Variants in FOXP1 observed in about 807,000 individuals in gnomAD.
The protein encoded by FOXP1 is forkhead box P1.
In FOXP1, 15 loss-of-function variants were observed where a neutral mutation model predicts 98.2. That is an observed-to-expected ratio of 0.15 (90% CI 0.10 to 0.24). FOXP1 has a LOEUF of 0.24. Among genes scored for constraint, FOXP1 ranks in the 10% least tolerant of loss-of-function variants. FOXP1 has a pLI of 1.00. For missense variants in FOXP1, 633 were observed against 848.5 expected (o/e 0.75, Z 3.15); for synonymous variants, 371 against 314.5 (o/e 1.18, Z -1.90).
intron 1 of FOXP1, chr3:71,582,098 T>C (rs901560325): frequency 3.1e-6 from 3 of 962,852 alleles, no homozygotes; most frequent in African/African-American, 3.6e-5. Context: ...CAGGCAGCGA[T>C]TTCGAAGCAA....
At chr3:71,108,384 C>T (rs763734555) in intron 7 of FOXP1, among the ~76,000 whole-genome samples, 2 of 152,180 alleles carry the variant, frequency 1.3e-5, no homozygotes, top group Non-Finnish European at 2.9e-5. Flanking sequence ...AGTAAAGTTA[C>T]GCATTTTCGA....
At chr3:71,070,407 G>C (rs930626808) in intron 7 of FOXP1, among the ~76,000 whole-genome samples, 6 of 152,128 alleles carry the variant, frequency 3.9e-5, no homozygotes, top group Non-Finnish European at 5.9e-5. Flanking sequence ...CTTCTTAGCA[G>C]TAATGGGCCA....
intron 3 of FOXP1, among the ~76,000 whole-genome samples, chr3:71,453,857 T>C (rs1287394252): frequency 2.0e-5 from 3 of 152,220 alleles, no homozygotes; most frequent in African/African-American, 4.8e-5. Context: ...AAAGTATTTA[T>C]GGAAAGACTC....
chr3:71,244,901 T>C (rs1457809786), intron 5 of FOXP1: 1 of 150,718 alleles, frequency 6.6e-6, no homozygotes, highest in Non-Finnish European at 1.5e-5. Context: ...TCATGAGATA[T>C]GTATGCAAAG....
At chr3:71,246,579 G>C (rs1178019949) in intron 5 of FOXP1, among the ~76,000 whole-genome samples, 2 of 152,236 alleles carry the variant, frequency 1.3e-5, no homozygotes, top group Non-Finnish European at 2.9e-5. Flanking sequence ...ATTAAAACAT[G>C]TTTAGCATTC....
At position 71,154,075 on chromosome 3, in the gene FOXP1, A is replaced by ATTC. The variant is rs1553761195; in HGVS notation, c.181-41441_181-41439dup. Among the ~76,000 whole-genome samples, 266 of 144,412 alleles carry ATTC rather than the reference A, an allele frequency of 1.8e-3. 2 individuals are homozygous for ATTC. The highest frequency in any genetic ancestry group is 7.2e-3 in the Middle Eastern group (2 of 276). 94.7% of individuals were successfully genotyped at this position (144,412 alleles called of 152,430 possible). A position where few individuals can be genotyped will look rare whatever the true frequency, so the allele number is the denominator to read the frequency against. ...ATGGAATTTTGTTTTTCCCCTTTGC[A>ATTC]TTCTTCTTCTTCTTCTTCTTCTTTT... is the stretch of plus-strand genomic sequence containing the variant. On this transcript the variant is annotated intron_variant, in intron 6 of 20. Coordinates refer to ENST00000649528, the MANE Select transcript of FOXP1 (RefSeq NM_001349338.3).
chr3:71,210,630 C>G (rs2064382766), intron 5 of FOXP1, among the ~76,000 whole-genome samples: 1 of 152,206 alleles, frequency 6.6e-6, no homozygotes, highest in African/African-American at 2.4e-5. Context: ...GCTGGAACAA[C>G]TAACAGAGAG....
At chr3:71,144,678 G>T (rs753818151) in intron 6 of FOXP1, among the ~76,000 whole-genome samples, 3 of 151,990 alleles carry the variant, frequency 2.0e-5, no homozygotes, top group African/African-American at 4.8e-5. Flanking sequence ...GCTGTGTAGA[G>T]CATGTGCAGC....
chr3:71,379,235 C>T (rs1347314727), intron 3 of FOXP1, among the ~76,000 whole-genome samples: 4 of 152,162 alleles, frequency 2.6e-5, no homozygotes, highest in East Asian at 1.9e-4. Flanking sequence ...CAGACAATGG[C>T]AATATTTCCT....
At chr3:71,311,389 T>C (rs891071983) in intron 4 of FOXP1, among the ~76,000 whole-genome samples, 1 of 152,224 alleles carries the variant, frequency 6.6e-6, no homozygotes, top group Non-Finnish European at 1.5e-5. Flanking sequence ...TGTGCAGGCC[T>C]CTTGCTTGCT....
intron 4 of FOXP1, chr3:71,334,096 G>A (rs2076521399): frequency 6.6e-6 from 1 of 152,076 alleles, no homozygotes; most frequent in South Asian, 2.1e-4. Flanking sequence ...AGGTAAAGGA[G>A]ATCCAACATA....
At chr3:71,583,381 A>C in intron 1 of FOXP1, 190 bp downstream of exon 1, 1 of 830,242 alleles carries the variant, frequency 1.2e-6, no homozygotes, top group Non-Finnish European at 1.4e-6. Flanking sequence ...AAGAGAGGGG[A>C]GGGCTGGGGG....
intron 3 of FOXP1, among the ~76,000 whole-genome samples, chr3:71,410,709 T>A (rs994661040): frequency 1.3e-5 from 2 of 152,230 alleles, no homozygotes; most frequent in Non-Finnish European, 2.9e-5. Flanking sequence ...CTTAGAGGGA[T>A]GTATCATGGA....
chr3:71,367,518 G>C (rs980792710), intron 3 of FOXP1, among the ~76,000 whole-genome samples: 3 of 152,048 alleles, frequency 2.0e-5, no homozygotes, highest in African/African-American at 4.8e-5. Context: ...CTTCATACTG[G>C]GCTGGAAGGA....
At chr3:70,967,331 G>C (rs2035024636) in intron 19 of FOXP1, among the ~76,000 whole-genome samples, 1 of 152,212 alleles carries the variant, frequency 6.6e-6, no homozygotes. Flanking sequence ...GGGCTTTCTA[G>C]GTACAAGCCC....
In FOXP1 at chr3:71,349,310, G is replaced by A. The variant is rs186186646; in HGVS notation, c.-73+9840C>T. On this transcript the variant is annotated intron_variant, in intron 4 of 20. Coordinates refer to ENST00000649528, the MANE Select transcript of FOXP1 (RefSeq NM_001349338.3). ...CCTTTTTAAATTTTCCTTATGAAAT[G>A]CATCATTTTAACATAACGCACTTCA... 3.2e-4 allele frequency among the ~76,000 whole-genome samples: 49 copies of A among 152,302 alleles called. 1 individual carries two copies. Among genetic ancestry groups the A allele is most frequent in the Non-Finnish European group, 6.2e-4 (42 of 68,028 alleles).
rs1560592247 is a variant in FOXP1, at chr3:71,515,449, A to AAAAAAAAAAC, written c.-297-21895_-297-21894insGTTTTTTTTT. On this transcript the variant is annotated intron_variant, in intron 2 of 20. Coordinates refer to ENST00000649528, the MANE Select transcript of FOXP1 (RefSeq NM_001349338.3). Reference sequence around the variant, plus strand: ...TTTACACAGCAAAAAAAAAAAAAAAAAAAACTGCACATTTATACAGCTGAG... The same window carrying AAAAAAAAAAC: ...TTTACACAGCAAAAAAAAAAAAAAAAAAAAAAAAACAAAACTGCACATTTATACAGCTGAG... 4.3e-5 allele frequency among the ~76,000 whole-genome samples: 6 copies of AAAAAAAAAAC among 140,698 alleles called. 2 individuals are homozygous for AAAAAAAAAAC. The highest frequency in any genetic ancestry group is 1.4e-4 in the Admixed American group (2 of 13,834). 92.3% of individuals were successfully genotyped at this position (140,698 alleles called of 152,430 possible).
At position 70,955,803 on chromosome 3, in the gene FOXP1, A is replaced by AAAAAACAGATTAACACACACGCACGCGCG. The variant is rs2031618328; in HGVS notation, c.*3415_*3443dup. 1 of 232,432 alleles carries AAAAAACAGATTAACACACACGCACGCGCG rather than the reference A, an allele frequency of 4.3e-6. No homozygotes were observed. Among genetic ancestry groups the AAAAAACAGATTAACACACACGCACGCGCG allele is most frequent in the Non-Finnish European group, 8.5e-6 (1 of 117,950 alleles). The allele number at this position is 232,432 out of a possible 1,614,324, so 14.4% of individuals were successfully genotyped here. A position where few individuals can be genotyped will look rare whatever the true frequency, so the allele number is the denominator to read the frequency against. ...TAAACACAAGGGATAGGAATGTATC[A>AAAAAACAGATTAACACACACGCACGCGCG]AAAAACAGATTAACACACACGCACG... is the stretch of plus-strand genomic sequence containing the variant. On this transcript the variant is annotated 3_prime_UTR_variant, in exon 21 of 21. Transcript: ENST00000649528.
intron 5 of FOXP1, among the ~76,000 whole-genome samples, chr3:71,230,120 G>A (rs931354820): frequency 1.3e-5 from 2 of 151,770 alleles, no homozygotes; most frequent in Non-Finnish European, 2.9e-5. Context: ...CCACTGGGGA[G>A]GGGTGGGTGG....
Sources: allele counts gnomAD v4.1 joint callset (sites outside exome capture counted in the v4.1 genomes callset), GRCh38; gene constraint gnomAD v4.1.1; transcripts MANE v1.5; gene names NCBI Gene and HGNC (gene_info 2026-07-23, HGNC 2026-07-21).